The following CAMSAP1 variants were observed in gnomAD, a reference collection of about 807,000 sequenced individuals.
The protein encoded by CAMSAP1 is calmodulin-regulated spectrin-associated protein 1.
CAMSAP1 carries 58 observed loss-of-function variants against 143.5 expected under a neutral mutation model. The observed-to-expected ratio is 0.40, with a 90% confidence interval of 0.33 to 0.50. The LOEUF is 0.50. CAMSAP1 is among the 20% of genes least tolerant of loss of function. CAMSAP1 has a pLI of 0.45. For synonymous variants in CAMSAP1, 945 were observed against 859.3 expected (o/e 1.10, Z -1.74); for missense variants, 1,969 against 2,115.7 (o/e 0.93, Z 1.36).
At chr9:135,902,904 G>C (rs551232682) in intron 1 of CAMSAP1, among the ~76,000 whole-genome samples, 74 of 152,322 alleles carry the variant, frequency 4.9e-4, no homozygotes, top group Admixed American at 1.5e-3. Flanking sequence ...CAGTGCCCTA[G>C]GGTTCAGGGC....
Position 135,810,998 on chromosome 9 carries a change from C to A in CAMSAP1, c.*311G>T. ...AGTAAGGGAGCTCCGTGGCCCGGGA[C>A]CTGGCTGTGAACACCCTCCGCTGGG... On this transcript the variant is annotated 3_prime_UTR_variant, in exon 17 of 17. Transcript: ENST00000389532. The A allele has an allele frequency of 5.4e-6, 2 of 367,344 alleles. 1 individual carries two copies. Among genetic ancestry groups the A allele is most frequent in the South Asian group, 7.6e-5 (2 of 26,414 alleles). The allele number at this position is 367,344 out of a possible 1,614,324, so 22.8% of individuals were successfully genotyped here. A position where few individuals can be genotyped will look rare whatever the true frequency, so the allele number is the denominator to read the frequency against.
chr9:135,830,447 G>A (rs1177192276), intron 7 of CAMSAP1, among the ~76,000 whole-genome samples: 2 of 152,194 alleles, frequency 1.3e-5, no homozygotes, highest in Admixed American at 1.3e-4. Flanking sequence ...ACTTTACATC[G>A]AAAACTGTCT....
chr9:135,811,006 T>C lies in CAMSAP1; in HGVS notation c.*303A>G. 7.6e-6 allele frequency: 3 copies of C among 392,292 alleles called. No homozygotes were observed. The South Asian group carries it at 1.0e-4, about 14-fold the overall frequency. 24.3% of individuals were successfully genotyped at this position (392,292 alleles called of 1,614,324 possible). ...AGCTCCGTGGCCCGGGACCTGGCTG[T>C]GAACACCCTCCGCTGGGAGCCTCAG... On this transcript the variant is annotated 3_prime_UTR_variant, in exon 17 of 17. Coordinates refer to ENST00000389532, the MANE Select transcript of CAMSAP1 (RefSeq NM_015447.4). The surrounding 1 kb of genome is among the most constrained non-coding windows in gnomAD (Gnocchi z 4.9).
At chr9:135,899,261 T>C (rs1474933319) in intron 1 of CAMSAP1, among the ~76,000 whole-genome samples, 1 of 151,944 alleles carries the variant, frequency 6.6e-6, no homozygotes, top group Non-Finnish European at 1.5e-5. Flanking sequence ...CTTTACCAGA[T>C]GTAAATCACA....
intron 16 of CAMSAP1, among the ~76,000 whole-genome samples, chr9:135,812,275 C>T (rs2131632538): frequency 6.6e-6 from 1 of 152,270 alleles, no homozygotes; most frequent in South Asian, 2.1e-4. Flanking sequence ...AAGTGTGCAT[C>T]AGCAGATGAC....
At chr9:135,836,460 C>G in intron 7 of CAMSAP1, 1 of 984,562 alleles carries the variant, frequency 1.0e-6, no homozygotes, top group Non-Finnish European at 1.2e-6. Context: ...TCTACAGACA[C>G]GTCACCACAC....
chr9:135,862,429 C>T, intron 5 of CAMSAP1, 38 bp downstream of exon 5: 3 of 1,540,678 alleles, frequency 1.9e-6, no homozygotes, highest in Non-Finnish European at 1.8e-6. Context: ...TCCTTTAAGC[C>T]TTTTCGGATC....
rs147685732 is a variant in CAMSAP1, at chr9:135,893,958, G to A, written c.161-10880C>T. Among the ~76,000 whole-genome samples the A allele has an allele frequency of 3.7e-3, 566 of 152,262 alleles. 4 individuals carry two copies. The highest frequency in any genetic ancestry group is 0.012 in the African/African-American group (509 of 41,536). On this transcript the variant is annotated intron_variant, in intron 1 of 16. Transcript: ENST00000389532. The stretch of plus-strand genomic sequence containing the variant: ...GAAAGCAAACTGGCTTAGGGCCTCA[G>A]GACTGGAGGACCAACACAGCAACAG...
chr9:135,898,635 T>C (rs1838525922), intron 1 of CAMSAP1, among the ~76,000 whole-genome samples: 1 of 152,120 alleles, frequency 6.6e-6, no homozygotes. Context: ...TCATCATAAG[T>C]CATCAGGGAA....
At chr9:135,849,332 ACTGAACGTGCAT>A (rs1836687851) in intron 7 of CAMSAP1, among the ~76,000 whole-genome samples, 1 of 152,226 alleles carries the variant, frequency 6.6e-6, no homozygotes, top group African/African-American at 2.4e-5. Context: ...CACGGTTTCC[ACTGAACGTGCAT>A]CGCTTTTGCA....
chr9:135,888,811 A>C (rs1413885678), intron 1 of CAMSAP1, among the ~76,000 whole-genome samples: 9 of 152,254 alleles, frequency 5.9e-5, no homozygotes, highest in Non-Finnish European at 1.0e-4. Flanking sequence ...CAAGGGTAAG[A>C]AAAGCTGATG....
At position 135,855,556 on chromosome 9, in the gene CAMSAP1, T is replaced by C. The variant is rs183306334; in HGVS notation, c.809-5095A>G. Among the ~76,000 whole-genome samples, 264 of 149,454 alleles carry C rather than the reference T, an allele frequency of 1.8e-3. 1 individual carries two copies. The highest frequency in any genetic ancestry group is 6.3e-3 in the African/African-American group (253 of 40,370). ...GAGTTCGAGACCAGCCTGGCCAACATGGCGAAACCCCATCTCTACTAAAAA... is the reference window on the plus strand; with the variant it reads ...GAGTTCGAGACCAGCCTGGCCAACACGGCGAAACCCCATCTCTACTAAAAA... On this transcript the variant is annotated intron_variant, in intron 5 of 16. Transcript: ENST00000389532.
At chr9:135,852,707 T>C (rs774675783) in intron 5 of CAMSAP1, among the ~76,000 whole-genome samples, 3 of 152,204 alleles carry the variant, frequency 2.0e-5, no homozygotes, top group Non-Finnish European at 4.4e-5. Flanking sequence ...ACACTGTTTT[T>C]GGTAATGCAA....
At chr9:135,857,794 G>A (rs1042931342) in intron 5 of CAMSAP1, among the ~76,000 whole-genome samples, 1 of 152,188 alleles carries the variant, frequency 6.6e-6, no homozygotes, top group East Asian at 1.9e-4. Flanking sequence ...AGAGACGGTG[G>A]CTTCTGGGGC....
intron 3 of CAMSAP1, among the ~76,000 whole-genome samples, chr9:135,872,616 T>A (rs1225256530): frequency 6.6e-6 from 1 of 152,026 alleles, no homozygotes; most frequent in African/African-American, 2.4e-5. Flanking sequence ...CTGCAAAAAA[T>A]TCACTTTAAA....
Position 135,818,741 on chromosome 9 carries a change from G to T in CAMSAP1, c.3960-125C>A. The T allele has an allele frequency of 1.6e-6, 2 of 1,227,886 alleles. No homozygotes were observed. Among genetic ancestry groups the T allele is most frequent in the Non-Finnish European group, 2.2e-6 (2 of 898,048 alleles). 76.1% of individuals were successfully genotyped at this position (1,227,886 alleles called of 1,614,324 possible). A position where few individuals can be genotyped will look rare whatever the true frequency, so the allele number is the denominator to read the frequency against. The stretch of plus-strand genomic sequence containing the variant: ...CGGCCGCTGGGACCAAGAGTGGCCA[G>T]CCTCCACAAGCGGGACACAGAGGCT... On this transcript the variant is annotated intron_variant, in intron 12 of 16. Transcript: ENST00000389532. The surrounding 1 kb of genome is among the most constrained non-coding windows in gnomAD (Gnocchi z 7.7).
chr9:135,814,755 G>A (rs1335896664), intron 16 of CAMSAP1, among the ~76,000 whole-genome samples: 2 of 152,174 alleles, frequency 1.3e-5, no homozygotes, highest in Non-Finnish European at 2.9e-5. Flanking sequence ...GATCTACTGG[G>A]AAGGGCAGGT....
intron 1 of CAMSAP1, among the ~76,000 whole-genome samples, chr9:135,883,892 G>A (rs915274379): frequency 3.3e-5 from 5 of 152,122 alleles, no homozygotes; most frequent in East Asian, 1.9e-4. Context: ...GTATACTTCC[G>A]GCTGCAACAT....
At position 135,816,015 on chromosome 9, in the gene CAMSAP1, G is replaced by A. The variant is rs372082294; in HGVS notation, c.4272-10C>T. On this transcript the variant is annotated splice_polypyrimidine_tract_variant and intron_variant, in intron 14 of 16. Transcript: ENST00000389532. ...TTCCATCGATTCCACTCTGCAGGCA[G>A]AAACAGACAAGAGACAGGCAGGTGA... 8 of 1,612,244 alleles carry A rather than the reference G, an allele frequency of 5.0e-6. No individual in the cohort carries two copies. Among genetic ancestry groups the A allele is most frequent in the Non-Finnish European group, 5.9e-6 (7 of 1,179,230 alleles).
Sources: gnomAD v4.1 joint callset for allele counts (sites outside exome capture counted in the v4.1 genomes callset) on GRCh38, gnomAD v4.1.1 for gene constraint, Gnocchi (gnomAD v3.1) non-coding constraint, MANE v1.5 for transcripts, NCBI Gene and HGNC (gene_info 2026-07-23, HGNC 2026-07-21) for gene names.